The following TMEM65 variants were observed in gnomAD, a reference collection of about 807,000 sequenced individuals.
The protein encoded by TMEM65 is transmembrane protein 65.
A neutral mutation model predicts 25.4 loss-of-function variants in TMEM65; 22 were observed. That is an observed-to-expected ratio of 0.86 (90% confidence interval 0.62 to 1.23). The LOEUF (loss-of-function observed/expected upper bound fraction) is 1.23. TMEM65 is among the 50% of genes most tolerant of loss of function. TMEM65 has a pLI of 0.00. For synonymous variants in TMEM65, 132 were observed against 126.2 expected (o/e 1.05, Z -0.31); for missense variants, 262 against 308.2 (o/e 0.85, Z 1.12).
At chr8:124,337,456 C>T (rs1488675638) in intron 1 of TMEM65, among the ~76,000 whole-genome samples, 2 of 151,930 alleles carry the variant, frequency 1.3e-5, no homozygotes, top group Non-Finnish European at 2.9e-5. Flanking sequence ...AACCAACATC[C>T]AAACTTCTTT....
At chr8:124,328,249 C>A (rs1175943810) in intron 2 of TMEM65, among the ~76,000 whole-genome samples, 1 of 151,720 alleles carries the variant, frequency 6.6e-6, no homozygotes, top group East Asian at 1.9e-4. Context: ...ACTAAAAATA[C>A]AAAAATTAGC....
chr8:124,358,761 G>A (rs1029973108), intron 1 of TMEM65, among the ~76,000 whole-genome samples: 1 of 152,112 alleles, frequency 6.6e-6, no homozygotes, highest in Non-Finnish European at 1.5e-5. Flanking sequence ...TTAACAGATG[G>A]TGTCAGAAGT....
Position 124,372,526 on chromosome 8 carries a change from A to G in TMEM65, c.-369T>C. On this transcript the variant is annotated 5_prime_UTR_variant, in exon 1 of 7. Transcript: ENST00000297632. ...TGTGTCTCTGTCAGTCTGATCTTCCAGAGGATGAGTCAGCCACGCACCGCC... is the reference window on the plus strand; with the variant it reads ...TGTGTCTCTGTCAGTCTGATCTTCCGGAGGATGAGTCAGCCACGCACCGCC... 1 of 155,064 alleles carries G rather than the reference A, an allele frequency of 6.4e-6. No homozygotes were observed. 9.6% of individuals were successfully genotyped at this position (155,064 alleles called of 1,614,324 possible). A position where few individuals can be genotyped will look rare whatever the true frequency, so the allele number is the denominator to read the frequency against.
intron 1 of TMEM65, among the ~76,000 whole-genome samples, chr8:124,344,230 A>ACT (rs2131214911): frequency 1.3e-5 from 2 of 152,312 alleles, no homozygotes; most frequent in South Asian, 4.1e-4. Flanking sequence ...TATCACTGTC[A>ACT]CTCCATAACC....
intron 5 of TMEM65, among the ~76,000 whole-genome samples, chr8:124,320,733 C>G (rs1362679599): frequency 6.6e-6 from 1 of 152,042 alleles, no homozygotes; most frequent in Non-Finnish European, 1.5e-5. Context: ...TTGGATACAT[C>G]CTTACTTTAT....
intron 1 of TMEM65, among the ~76,000 whole-genome samples, chr8:124,339,931 C>T (rs373975189): frequency 7.2e-5 from 11 of 151,986 alleles, no homozygotes; most frequent in African/African-American, 2.7e-4. Context: ...GAAGTTTTAA[C>T]CTAGATTAAA....
At chr8:124,349,445 G>A (rs1201766960) in intron 1 of TMEM65, among the ~76,000 whole-genome samples, 1 of 152,044 alleles carries the variant, frequency 6.6e-6, no homozygotes, top group Non-Finnish European at 1.5e-5. Flanking sequence ...GGTTTCTGCT[G>A]GATGGTTTCA....
At chr8:124,361,467 ATAAGT>A (rs950582556) in intron 1 of TMEM65, among the ~76,000 whole-genome samples, 10 of 151,594 alleles carry the variant, frequency 6.6e-5, no homozygotes, top group African/African-American at 2.2e-4. Flanking sequence ...CCTGTAGTTA[ATAAGT>A]TAATATATAT....
At chr8:124,350,118 CAGTGTG>C (rs1814688043) in intron 1 of TMEM65, among the ~76,000 whole-genome samples, 4 of 59,248 alleles carry the variant, frequency 6.8e-5, no homozygotes, top group Non-Finnish European at 3.2e-5. Flanking sequence ...ACTAATACAT[CAGTGTG>C]TGTGTGTGTG....
chr8:124,355,127 C>A (rs1044727680), intron 1 of TMEM65, among the ~76,000 whole-genome samples: 34 of 151,814 alleles, frequency 2.2e-4, no homozygotes, highest in Admixed American at 3.9e-4. Flanking sequence ...AGAAGATAGG[C>A]AAAAAGAACA....
chr8:124,372,104 C>A lies in TMEM65; in HGVS notation c.54G>T (p.Pro18=), dbSNP rs1230405756. ...LRSRTARSLR[P]GPAAAAAPRP... ...GGGGCGCGGCGGCGGCGGCCGGGCC[C>A]GGCCTCAGGCTGCGCGCGGTCCGGC... The change falls in exon 1 of 7, where the codon CCG becomes CCT. Residue 18 remains proline, a synonymous_variant. Coordinates refer to ENST00000297632, the MANE Select transcript of TMEM65 (RefSeq NM_194291.3). 3 of 1,116,892 alleles carry A rather than the reference C, an allele frequency of 2.7e-6. No individual in the cohort carries two copies. The highest frequency in any genetic ancestry group is 4.0e-5 in the South Asian group (1 of 25,316). 69.2% of individuals were successfully genotyped at this position (1,116,892 alleles called of 1,614,324 possible).
rs530851108 is a variant in TMEM65 at position 124,308,501 on chromosome 8, A to C, written c.*5459T>G. Reference sequence around the variant, plus strand: ...ACAATAAATTCCTGCTGAGGAAAACAACCAGATGTTGTGTGTGACTTCGCA... The same window carrying C: ...ACAATAAATTCCTGCTGAGGAAAACCACCAGATGTTGTGTGTGACTTCGCA... On this transcript the variant is annotated 3_prime_UTR_variant, in exon 7 of 7. Transcript: ENST00000297632. 11 of 152,368 alleles carry C rather than the reference A, an allele frequency of 7.2e-5. No individual in the cohort carries two copies. The South Asian group carries it at 1.7e-3, about 23-fold the overall frequency. The allele number at this position is 152,368 out of a possible 1,614,324, so 9.4% of individuals were successfully genotyped here.
At position 124,344,212 on chromosome 8, in the gene TMEM65, T is replaced by C. The variant is rs144319875; in HGVS notation, c.305-13420A>G. 3.9e-3 allele frequency among the ~76,000 whole-genome samples: 595 copies of C among 152,344 alleles called. 2 individuals are homozygous for C. The highest frequency in any genetic ancestry group is 5.4e-3 in the Non-Finnish European group (370 of 68,022). ...TAAGGAACCAATGTGGTTTAGGGAT[T>C]CTAATGGTATCACTGTCACTCCATA... On this transcript the variant is annotated intron_variant, in intron 1 of 6. Coordinates refer to ENST00000297632, the MANE Select transcript of TMEM65 (RefSeq NM_194291.3).
intron 1 of TMEM65, among the ~76,000 whole-genome samples, chr8:124,341,409 CA>C (rs1306773919): frequency 6.6e-6 from 1 of 151,886 alleles, no homozygotes; most frequent in Non-Finnish European, 1.5e-5. Flanking sequence ...GCATTAATAC[CA>C]AAAGTATACT....
At chr8:124,345,680 C>T (rs984335877) in intron 1 of TMEM65, among the ~76,000 whole-genome samples, 1 of 152,068 alleles carries the variant, frequency 6.6e-6, no homozygotes, top group Non-Finnish European at 1.5e-5. Context: ...TCCATTCTTA[C>T]ACTGCTATAA....
chr8:124,333,789 TGC>T (rs1814467018), intron 1 of TMEM65, among the ~76,000 whole-genome samples: 1 of 152,186 alleles, frequency 6.6e-6, no homozygotes, highest in Non-Finnish European at 1.5e-5. Context: ...ACCTGTTTGT[TGC>T]AGCTTTCAGC....
At chr8:124,337,635 G>A (rs1313105434) in intron 1 of TMEM65, among the ~76,000 whole-genome samples, 1 of 151,946 alleles carries the variant, frequency 6.6e-6, no homozygotes, top group African/African-American at 2.4e-5. Flanking sequence ...TTTGCTAAAG[G>A]TTAAATAAGA....
At position 124,314,014 on chromosome 8, in the gene TMEM65, A is replaced by G; in HGVS notation, c.669T>C (p.Pro223=). 6.2e-7 allele frequency: 1 copy of G among 1,613,708 alleles called. No homozygotes were observed. Residue 223 remains proline, a synonymous_variant, in exon 7 of 7, where the codon CCT becomes CCC. Transcript: ENST00000297632. ...VTIGCILGMF[P]LIFFGGGEED... The stretch of plus-strand genomic sequence containing the variant: ...CTTCACCTCCTCCAAAGAAAATTAA[A>G]GGAAACATTCCTAGAATGCAGCCAA...
At chr8:124,335,612 A>G (rs4596637) in intron 1 of TMEM65, among the ~76,000 whole-genome samples, 227 of 152,254 alleles carry the variant, frequency 1.5e-3, no homozygotes, top group African/African-American at 5.3e-3. Context: ...TTGGTAATTT[A>G]GTTGCAACAT....
Sources: gnomAD v4.1 joint callset for allele counts (sites outside exome capture counted in the v4.1 genomes callset) on GRCh38, gnomAD v4.1.1 for gene constraint, MANE v1.5 for transcripts, NCBI Gene and HGNC (gene_info 2026-07-23, HGNC 2026-07-21) for gene names.